The following BAZ2B variants were observed in gnomAD, a reference collection of about 807,000 sequenced individuals.
BAZ2B encodes the protein bromodomain adjacent to zinc finger domain 2B.
BAZ2B carries 91 observed loss-of-function variants against 246.0 expected under a neutral mutation model. The observed-to-expected ratio is 0.37, with a 90% CI of 0.31 to 0.44. BAZ2B has a LOEUF of 0.44. Ranked by LOEUF, BAZ2B falls within the 20% of genes least tolerant of loss-of-function variation. The pLI is 1.00. For synonymous variants in BAZ2B, 855 were observed against 860.0 expected, an observed-to-expected ratio of 0.99 and a Z score of 0.10; for missense variants, 2,332 against 2,533.7, an observed-to-expected ratio of 0.92 and a Z score of 1.71.
At chr2:159,405,788 T>TAATGTAG (rs1195242075) in intron 14 of BAZ2B, among the ~76,000 whole-genome samples, 1 of 152,066 alleles carries the variant, frequency 6.6e-6, no homozygotes, top group Non-Finnish European at 1.5e-5. Context: ...TTAAGACTTG[T>TAATGTAG]AATGTAGCTT....
Position 159,573,420 on chromosome 2 carries a change from A to C in BAZ2B, c.-45-17555T>G, listed in dbSNP as rs77402744. Among the ~76,000 whole-genome samples, 967 of 152,354 alleles carry C rather than the reference A, an allele frequency of 6.3e-3. 12 individuals are homozygous for C. The highest frequency in any genetic ancestry group is 0.022 in the African/African-American group (908 of 41,582). ...CAAAACAATTCAATGGGGAAAGAAT[A>C]TCTTTTCAACAAAAGGTGCTGGAAC... On this transcript the variant is annotated intron_variant, in intron 1 of 36. Coordinates refer to ENST00000392783, the MANE Select transcript of BAZ2B (RefSeq NM_013450.4).
intron 1 of BAZ2B, among the ~76,000 whole-genome samples, chr2:159,605,730 T>A (rs1268614801): frequency 6.6e-6 from 1 of 152,018 alleles, no homozygotes; most frequent in Non-Finnish European, 1.5e-5. Flanking sequence ...TCTAAAAAAT[T>A]AATAATAATA....
chr2:159,432,591 C>T (rs2071345480), intron 9 of BAZ2B, among the ~76,000 whole-genome samples, 166 bp downstream of exon 9: 1 of 152,166 alleles, frequency 6.6e-6, no homozygotes, highest in Admixed American at 6.5e-5. Context: ...CTTAGGATTT[C>T]CAGTATCAAT....
rs11551106 is a variant in BAZ2B, at chr2:159,320,254, T to C, written c.*11A>G. 6.6e-7 allele frequency: 1 copy of C among 1,525,758 alleles called. No individual in the cohort carries two copies. The highest frequency in any genetic ancestry group is 8.7e-7 in the Non-Finnish European group (1 of 1,149,158). The allele number at this position is 1,525,758 out of a possible 1,614,324, so 94.5% of individuals were successfully genotyped here. The stretch of plus-strand genomic sequence containing the variant: ...GTTTAGAAGGAAAAAAATAAAGAGA[T>C]TATTATAACTTCAGCTCACTTTGAA... On this transcript the variant is annotated 3_prime_UTR_variant, in exon 37 of 37. Coordinates refer to ENST00000392783, the MANE Select transcript of BAZ2B (RefSeq NM_013450.4).
At chr2:159,567,510 C>T (rs1018307960) in intron 1 of BAZ2B, among the ~76,000 whole-genome samples, 1 of 152,130 alleles carries the variant, frequency 6.6e-6, no homozygotes, top group African/African-American at 2.4e-5. Flanking sequence ...TTTTGTAGGA[C>T]TACTTCTTTA....
the BAZ2B span, among the ~76,000 whole-genome samples, chr2:159,686,887 A>G: frequency 6.6e-6 from 1 of 151,846 alleles, no homozygotes; most frequent in African/African-American, 2.4e-5. Flanking sequence ...CTAAAAATAC[A>G]AAAAATTAGC....
chr2:159,337,991 G>T (rs2065946812), intron 31 of BAZ2B, among the ~76,000 whole-genome samples: 1 of 152,082 alleles, frequency 6.6e-6, no homozygotes, highest in African/African-American at 2.4e-5. Flanking sequence ...ATAAACTTTT[G>T]ATATTATAAA....
At chr2:159,683,426 T>C in the BAZ2B span, among the ~76,000 whole-genome samples, 1 of 152,092 alleles carries the variant, frequency 6.6e-6, no homozygotes, top group South Asian at 2.1e-4. Context: ...AGCATATTGT[T>C]CTATAAGTTA....
intron 8 of BAZ2B, chr2:159,433,640 T>A (rs1248341201): frequency 3.9e-6 from 1 of 258,584 alleles, no homozygotes; most frequent in African/African-American, 2.2e-5. Flanking sequence ...TTCACAATAA[T>A]CCAAACTTAA....
At chr2:159,657,316 G>A in the BAZ2B span, among the ~76,000 whole-genome samples, 2 of 152,036 alleles carry the variant, frequency 1.3e-5, no homozygotes, top group African/African-American at 4.8e-5. Context: ...GTCTATTTCT[G>A]TGTTCTGTAT....
chr2:159,589,375 A>G (rs1341442349), intron 1 of BAZ2B, among the ~76,000 whole-genome samples: 1 of 152,198 alleles, frequency 6.6e-6, no homozygotes, highest in African/African-American at 2.4e-5. Context: ...TTCCAAAAAA[A>G]AAACATAGAT....
At chr2:159,632,104 T>C in the BAZ2B span, among the ~76,000 whole-genome samples, 1 of 152,188 alleles carries the variant, frequency 6.6e-6, no homozygotes, top group Non-Finnish European at 1.5e-5. Context: ...TAAGACAAAA[T>C]TAACAAAATA....
At chr2:159,692,195 C>T in the BAZ2B span, among the ~76,000 whole-genome samples, 1 of 151,802 alleles carries the variant, frequency 6.6e-6, no homozygotes, top group African/African-American at 2.4e-5. Flanking sequence ...CACTCTGTTG[C>T]CCAGGCTAGA....
At chr2:159,426,900 A>G (rs947083795) in intron 13 of BAZ2B, among the ~76,000 whole-genome samples, 20 of 152,140 alleles carry the variant, frequency 1.3e-4, no homozygotes, top group Admixed American at 6.5e-5. Flanking sequence ...CAAAGAAAAT[A>G]TTAATTGCCA....
chr2:159,614,612 G>C (rs889787078), intron 1 of BAZ2B, among the ~76,000 whole-genome samples: 3 of 151,772 alleles, frequency 2.0e-5, no homozygotes, highest in African/African-American at 7.3e-5. Flanking sequence ...GATAACAGTT[G>C]AAACCTTTAA....
chr2:159,334,074 A>C (rs535905019), intron 33 of BAZ2B, among the ~76,000 whole-genome samples: 37 of 152,274 alleles, frequency 2.4e-4, no homozygotes, highest in Admixed American at 2.4e-3. Context: ...GGTTATATGT[A>C]TATCCCTGTA....
chr2:159,542,492 C>A (rs1388467603), intron 2 of BAZ2B, among the ~76,000 whole-genome samples: 1 of 152,092 alleles, frequency 6.6e-6, no homozygotes, highest in African/African-American at 2.4e-5. Flanking sequence ...GATTAATAAG[C>A]CAGGTGTGCC....
intron 13 of BAZ2B, among the ~76,000 whole-genome samples, chr2:159,417,591 G>A (rs1202517120): frequency 6.6e-6 from 1 of 152,062 alleles, no homozygotes; most frequent in Non-Finnish European, 1.5e-5. Context: ...AAAAGAAAAG[G>A]GTTTACGTTT....
At chr2:159,361,242 A>C (rs1055740785) in intron 27 of BAZ2B, among the ~76,000 whole-genome samples, 1 of 152,222 alleles carries the variant, frequency 6.6e-6, no homozygotes, top group Non-Finnish European at 1.5e-5. Context: ...AAAGAACTTA[A>C]ACAAATTTAC....
Sources: allele counts gnomAD v4.1 joint callset (sites outside exome capture counted in the v4.1 genomes callset), GRCh38; gene constraint gnomAD v4.1.1; transcripts MANE v1.5; gene names NCBI Gene and HGNC (gene_info 2026-07-23, HGNC 2026-07-21).